Variants in POU6F2 observed in about 807,000 individuals in gnomAD.
POU6F2 encodes POU class 6 homeobox 2, also known as POU domain, class 6, transcription factor 2.
In POU6F2, 31 loss-of-function variants were observed where a neutral mutation model predicts 71.3. The ratio of observed to expected loss-of-function variants is 0.43; its 90% CI spans 0.33 to 0.59. The LOEUF is 0.59. Ranked by LOEUF, POU6F2 falls within the 20% of genes least tolerant of loss-of-function variation. The pLI is 0.04. For synonymous variants in POU6F2, 347 were observed against 355.7 expected, an observed-to-expected ratio of 0.98 and a Z score of 0.27; for missense variants, 783 against 856.8, an observed-to-expected ratio of 0.91 and a Z score of 1.07.
At chr7:39,309,869 A>G (rs967187993) in intron 4 of POU6F2, among the ~76,000 whole-genome samples, 2 of 152,206 alleles carry the variant, frequency 1.3e-5, no homozygotes, top group African/African-American at 4.8e-5. Flanking sequence ...CTCGCAGATA[A>G]GAAATGCACA....
chr7:39,297,985 T>C (rs4723845), intron 4 of POU6F2, among the ~76,000 whole-genome samples: 126,397 of 152,150 alleles, frequency 0.83, 52,516 homozygotes, highest in Admixed American at 0.89. Context: ...CTTCCTTATA[T>C]CTTATACAAA....
intron 2 of POU6F2, among the ~76,000 whole-genome samples, chr7:39,176,085 G>T (rs1309986016): frequency 6.6e-6 from 1 of 152,036 alleles, no homozygotes; most frequent in Non-Finnish European, 1.5e-5. Context: ...TAACTTTCAA[G>T]TGCTTTTATT....
At chr7:39,111,005 A>G (rs1562710113) in intron 2 of POU6F2, among the ~76,000 whole-genome samples, 1 of 152,186 alleles carries the variant, frequency 6.6e-6, no homozygotes, top group East Asian at 1.9e-4. Context: ...AAAATTTTAA[A>G]TAAATTGTAT....
intron 2 of POU6F2, among the ~76,000 whole-genome samples, chr7:39,130,177 TG>T (rs1562716974): frequency 1.3e-3 from 192 of 151,332 alleles, no homozygotes; most frequent in African/African-American, 4.3e-3. Flanking sequence ...TGTGTGTGTG[TG>T]TGTTTTAATG....
At chr7:39,039,800 C>T (rs1283727424) in intron 1 of POU6F2, among the ~76,000 whole-genome samples, 1 of 150,500 alleles carries the variant, frequency 6.6e-6, no homozygotes, top group African/African-American at 2.4e-5. Context: ...GAGTAATGGG[C>T]AAAGGTTAGG....
rs186123762 is a variant in POU6F2, at chr7:39,443,368, C to T, written c.1321-8165C>T. 7.2e-5 allele frequency among the ~76,000 whole-genome samples: 11 copies of T among 152,300 alleles called. No individual in the cohort carries two copies. The East Asian group carries it at 2.1e-3, about 29-fold the overall frequency. ...CAGGTATGTGCACGCTGAGAGAACA[C>T]GTGAGCGCAGCGGAAAAGAGCAATG... On this transcript the variant is annotated intron_variant, in intron 7 of 9. Coordinates refer to ENST00000518318, the MANE Select transcript of POU6F2 (RefSeq NM_001370959.1).
chr7:39,033,323 C>G (rs895300964), intron 1 of POU6F2, among the ~76,000 whole-genome samples: 1 of 152,130 alleles, frequency 6.6e-6, no homozygotes, highest in Non-Finnish European at 1.5e-5. Flanking sequence ...AGGTTACAAG[C>G]GACTAATAAT....
intron 4 of POU6F2, among the ~76,000 whole-genome samples, chr7:39,255,555 A>T (rs1784004582): frequency 6.6e-6 from 1 of 152,240 alleles, no homozygotes; most frequent in Non-Finnish European, 1.5e-5. Context: ...TGCAGTCTTA[A>T]TATTTCGGGA....
rs1792347066 is a variant in POU6F2 at position 39,134,283 on chromosome 7, A to T, written c.277+48252A>T. On this transcript the variant is annotated intron_variant, in intron 2 of 9. Coordinates refer to ENST00000518318, the MANE Select transcript of POU6F2 (RefSeq NM_001370959.1). ...AAGGCAGTGGTTTTTAGCATATATG[A>T]GAATCACCTGGTAGGCTTTTAAAAG... Among the ~76,000 whole-genome samples, 4 of 152,170 alleles carry T rather than the reference A, an allele frequency of 2.6e-5. No homozygotes were observed. In the South Asian group the frequency reaches 8.3e-4, roughly 31 times the overall value.
At chr7:39,443,346 G>A (rs1007542340) in intron 7 of POU6F2, among the ~76,000 whole-genome samples, 1 of 152,172 alleles carries the variant, frequency 6.6e-6, no homozygotes, top group African/African-American at 2.4e-5. Flanking sequence ...CACCTCTCAG[G>A]TATGTGCACG....
intron 2 of POU6F2, among the ~76,000 whole-genome samples, chr7:39,197,808 T>C (rs1793818011): frequency 6.6e-6 from 1 of 152,248 alleles, no homozygotes; most frequent in Non-Finnish European, 1.5e-5. Flanking sequence ...TTTAAGGATT[T>C]GAACTCACTG....
intron 5 of POU6F2, among the ~76,000 whole-genome samples, chr7:39,376,786 T>A (rs1786718923): frequency 6.6e-6 from 1 of 152,102 alleles, no homozygotes; most frequent in South Asian, 2.1e-4. Context: ...ACTTTAAATA[T>A]ATGAGTATCT....
At chr7:39,270,840 A>C (rs977877639) in intron 4 of POU6F2, among the ~76,000 whole-genome samples, 21 of 152,334 alleles carry the variant, frequency 1.4e-4, no homozygotes, top group African/African-American at 4.8e-4. Flanking sequence ...CCAATTAGTG[A>C]CATAACTTCA....
intron 1 of POU6F2, among the ~76,000 whole-genome samples, chr7:38,996,118 C>A (rs1788732277): frequency 7.0e-6 from 1 of 143,722 alleles, no homozygotes; most frequent in Non-Finnish European, 1.5e-5. Flanking sequence ...CGGCTCACTG[C>A]AACCTCCACC....
intron 4 of POU6F2, among the ~76,000 whole-genome samples, chr7:39,214,354 C>T (rs762350316): frequency 1.1e-4 from 16 of 152,162 alleles, no homozygotes; most frequent in Non-Finnish European, 1.9e-4. Flanking sequence ...CCCCAGCACT[C>T]CTGTCTCCCT....
intron 6 of POU6F2, among the ~76,000 whole-genome samples, chr7:39,414,033 A>T (rs899318620): frequency 1.8e-4 from 28 of 151,734 alleles, no homozygotes; most frequent in African/African-American, 6.5e-4. Flanking sequence ...GGGCGGAGCC[A>T]GGCGGCAGGG....
chr7:39,022,331 T>C (rs1001451703), intron 1 of POU6F2, among the ~76,000 whole-genome samples: 2 of 152,128 alleles, frequency 1.3e-5, no homozygotes, highest in African/African-American at 4.8e-5. Flanking sequence ...TATTTAATTT[T>C]CTTCAGTTTC....
rs117094730 is a variant in POU6F2, at chr7:39,373,420, A to G, written c.973-33180A>G. 115 of 456,690 alleles carry G rather than the reference A, an allele frequency of 2.5e-4. No homozygotes were observed. In the East Asian group the frequency reaches 7.5e-3, roughly 30 times the overall value. The allele number at this position is 456,690 out of a possible 1,614,324, so 28.3% of individuals were successfully genotyped here. Reference sequence around the variant, plus strand: ...ATTAGTATGCCAAGAGCCAACAGTCATGTTCCTGTTCTGTAGCCCAGCAAT... The same window carrying G: ...ATTAGTATGCCAAGAGCCAACAGTCGTGTTCCTGTTCTGTAGCCCAGCAAT... On this transcript the variant is annotated intron_variant, in intron 5 of 9. Transcript: ENST00000518318.
chr7:39,143,382 C>T (rs965447951), intron 2 of POU6F2, among the ~76,000 whole-genome samples: 1 of 152,174 alleles, frequency 6.6e-6, no homozygotes, highest in African/African-American at 2.4e-5. Context: ...ACTATGGTTT[C>T]CTGAGAACTG....
Sources: gnomAD v4.1 joint callset for allele counts (sites outside exome capture counted in the v4.1 genomes callset) on GRCh38, gnomAD v4.1.1 for gene constraint, MANE v1.5 for transcripts, NCBI Gene and HGNC (gene_info 2026-07-23, HGNC 2026-07-21) for gene names.